HMGCLL1: variants seen among roughly 807,000 people sequenced by gnomAD.
The protein encoded by HMGCLL1 is 3-hydroxymethyl-3-methylglutaryl-CoA lyase, cytoplasmic.
Under a neutral mutation model 39.1 loss-of-function variants are expected in HMGCLL1, and 36 were observed. That is an observed-to-expected ratio of 0.92 (90% CI 0.71 to 1.22). HMGCLL1 has a LOEUF of 1.22. HMGCLL1 is among the 50% of genes most tolerant of loss of function. HMGCLL1 has a pLI of 0.00. For synonymous variants in HMGCLL1, 149 were observed against 144.0 expected, an observed-to-expected ratio of 1.03 and a Z score of -0.25; for missense variants, 451 against 416.5, an observed-to-expected ratio of 1.08 and a Z score of -0.72.
At chr6:55,582,933 A>C (rs1305719548), upstream of HMGCLL1, among the ~76,000 whole-genome samples, 1 of 152,100 alleles carries the variant, frequency 6.6e-6, no homozygotes, top group Non-Finnish European at 1.5e-5. Context: ...AAGTTTCTAA[A>C]GTATAGCATG....
intron 7 of HMGCLL1, among the ~76,000 whole-genome samples, chr6:55,463,883 A>G (rs1444639885): frequency 1.3e-5 from 2 of 152,164 alleles, no homozygotes; most frequent in African/African-American, 4.8e-5. Context: ...CCAGGGCAAT[A>G]CTTTGTATGC....
the HMGCLL1 span, among the ~76,000 whole-genome samples, chr6:55,620,308 C>G: frequency 6.6e-6 from 1 of 152,104 alleles, no homozygotes; most frequent in Non-Finnish European, 1.5e-5. Flanking sequence ...TACATTCCCA[C>G]CAACAGTGTA....
chr6:55,581,712 A>G (rs1158580680), upstream of HMGCLL1, among the ~76,000 whole-genome samples: 12 of 152,046 alleles, frequency 7.9e-5, no homozygotes, highest in Non-Finnish European at 4.4e-5. Context: ...CATTAGAAAA[A>G]TAAAGAAACC....
the HMGCLL1 span, among the ~76,000 whole-genome samples, chr6:55,637,346 C>CA: frequency 6.6e-6 from 1 of 152,210 alleles, no homozygotes; most frequent in South Asian, 2.1e-4. Context: ...TGGTGAACAT[C>CA]AGGTTACTTC....
At chr6:55,493,588 A>ATTAATTAAT (rs1766424189) in intron 7 of HMGCLL1, among the ~76,000 whole-genome samples, 1 of 152,182 alleles carries the variant, frequency 6.6e-6, no homozygotes, top group South Asian at 2.1e-4. Flanking sequence ...TTACTAGGAC[A>ATTAATTAAT]TAATCCTCTC....
chr6:55,561,965 T>C (rs1251938016), intron 1 of HMGCLL1, among the ~76,000 whole-genome samples: 5 of 152,146 alleles, frequency 3.3e-5, no homozygotes, highest in Non-Finnish European at 7.4e-5. Context: ...AACAAGTCTA[T>C]AAAATTTCCT....
the HMGCLL1 span, among the ~76,000 whole-genome samples, chr6:55,666,780 C>G: frequency 1.3e-5 from 2 of 151,554 alleles, no homozygotes; most frequent in Admixed American, 1.3e-4. Flanking sequence ...AAAGCTGCAC[C>G]AGTTAAATTT....
chr6:55,543,759 T>A (rs1367810199), intron 1 of HMGCLL1, among the ~76,000 whole-genome samples: 1 of 150,922 alleles, frequency 6.6e-6, no homozygotes, highest in Non-Finnish European at 1.5e-5. Flanking sequence ...TCCCAGCTAC[T>A]CTACTTGGAA....
chr6:55,571,856 A>G (rs1771516233), intron 1 of HMGCLL1, among the ~76,000 whole-genome samples: 2 of 152,100 alleles, frequency 1.3e-5, no homozygotes, highest in African/African-American at 2.4e-5. Context: ...TTAGAGGTAA[A>G]TTCATCTAAT....
At chr6:55,674,914 T>A in the HMGCLL1 span, among the ~76,000 whole-genome samples, 1 of 152,070 alleles carries the variant, frequency 6.6e-6, no homozygotes, top group African/African-American at 2.4e-5. Flanking sequence ...GGCATAATGA[T>A]CCCATGTTCT....
chr6:55,556,974 A>C (rs2127468363), intron 1 of HMGCLL1, among the ~76,000 whole-genome samples: 1 of 152,256 alleles, frequency 6.6e-6, no homozygotes, highest in Non-Finnish European at 1.5e-5. Flanking sequence ...AAGTAAAGTA[A>C]ATTGTTAAAT....
At chr6:55,486,611 C>T (rs1359410349) in intron 7 of HMGCLL1, among the ~76,000 whole-genome samples, 1 of 152,084 alleles carries the variant, frequency 6.6e-6, no homozygotes, top group Non-Finnish European at 1.5e-5. Flanking sequence ...TTAGAGTCAT[C>T]ACTCACTGTC....
intron 8 of HMGCLL1, among the ~76,000 whole-genome samples, chr6:55,438,103 A>G (rs1763442038): frequency 6.6e-6 from 1 of 152,068 alleles, no homozygotes; most frequent in Non-Finnish European, 1.5e-5. Flanking sequence ...ATTAAGCATC[A>G]GCTATCAGCT....
Position 55,455,447 on chromosome 6 carries a change from G to C in HMGCLL1, c.796-15888C>G, listed in dbSNP as rs186816075. On this transcript the variant is annotated intron_variant, in intron 7 of 8. Coordinates refer to ENST00000274901, the MANE Select transcript of HMGCLL1 (RefSeq NM_001042406.2). ...TGAAGCCAGTTATTCAAAGAAGGTA[G>C]GAAAATAAACATAAGTATAATTACA... Among the ~76,000 whole-genome samples the C allele has an allele frequency of 2.6e-5, 4 of 152,004 alleles. No homozygotes were observed. The East Asian group carries it at 7.7e-4, about 29-fold the overall frequency.
At chr6:55,653,282 C>T in the HMGCLL1 span, among the ~76,000 whole-genome samples, 1 of 151,946 alleles carries the variant, frequency 6.6e-6, no homozygotes, top group African/African-American at 2.4e-5. Flanking sequence ...AGTAATCTTC[C>T]TGTGAGACAA....
intron 7 of HMGCLL1, among the ~76,000 whole-genome samples, chr6:55,456,236 C>A (rs1429138709): frequency 6.6e-6 from 1 of 152,204 alleles, no homozygotes; most frequent in African/African-American, 2.4e-5. Context: ...TGTAGCAAAG[C>A]TGCCAAGTAC....
At chr6:55,445,860 C>T (rs567325738) in intron 7 of HMGCLL1, among the ~76,000 whole-genome samples, 133 of 152,204 alleles carry the variant, frequency 8.7e-4, no homozygotes, top group African/African-American at 3.0e-3. Context: ...TAAAGTCAAA[C>T]ATTTACAACC....
At chr6:55,577,409 T>C (rs565054626) in intron 1 of HMGCLL1, among the ~76,000 whole-genome samples, 11 of 151,888 alleles carry the variant, frequency 7.2e-5, no homozygotes, top group African/African-American at 2.7e-4. Context: ...GGCAAAGCAG[T>C]TGGTGGGTAA....
In HMGCLL1 at chr6:55,474,450, T is replaced by C. The variant is rs574010029; in HGVS notation, c.795+20969A>G. On this transcript the variant is annotated intron_variant, in intron 7 of 8. Transcript: ENST00000274901. Reference sequence around the variant, plus strand: ...AGCATTCTTCATTTCTATTAGTTTTTTTTTCTAGCATTTCTTTTTTATTCT... The same window carrying C: ...AGCATTCTTCATTTCTATTAGTTTTCTTTTCTAGCATTTCTTTTTTATTCT... Among the ~76,000 whole-genome samples the C allele has an allele frequency of 6.6e-3, 1,005 of 151,782 alleles. 14 individuals carry two copies. The highest frequency in any genetic ancestry group is 0.023 in the African/African-American group (935 of 41,500).
Sources: allele counts gnomAD v4.1 joint callset (sites outside exome capture counted in the v4.1 genomes callset), GRCh38; gene constraint gnomAD v4.1.1; transcripts MANE v1.5; gene names NCBI Gene and HGNC (gene_info 2026-07-23, HGNC 2026-07-21).